Variants in DSCAM observed in about 807,000 individuals in gnomAD.
DSCAM encodes cell adhesion molecule DSCAM.
In DSCAM, 47 loss-of-function variants were observed where a neutral mutation model predicts 217.7. The ratio of observed to expected loss-of-function variants is 0.22; its 90% CI spans 0.17 to 0.28. The LOEUF (loss-of-function observed/expected upper bound fraction) is 0.28. Among genes scored for constraint, DSCAM ranks in the 10% least tolerant of loss-of-function variants. The pLI, the probability that DSCAM is intolerant of heterozygous loss-of-function variation, is 1.00. For missense variants in DSCAM, 2,080 were observed against 2,618.3 expected, an observed-to-expected ratio of 0.79 and a Z score of 4.49; for synonymous variants, 1,056 against 1,015.3, an observed-to-expected ratio of 1.04 and a Z score of -0.76.
At chr21:40,211,308 T>C (rs2146880412) in intron 11 of DSCAM, among the ~76,000 whole-genome samples, 1 of 152,342 alleles carries the variant, frequency 6.6e-6, no homozygotes, top group African/African-American at 2.4e-5. Context: ...TTGCTGTTTG[T>C]CCAGAATTTA....
At chr21:40,218,558 A>T (rs1724056846) in intron 11 of DSCAM, among the ~76,000 whole-genome samples, 1 of 152,062 alleles carries the variant, frequency 6.6e-6, no homozygotes, top group Admixed American at 6.6e-5. Context: ...TAGCTATAGC[A>T]CTGAATCTGT....
chr21:40,804,362 T>C, intron 1 of DSCAM, among the ~76,000 whole-genome samples: 1 of 152,198 alleles, frequency 6.6e-6, no homozygotes, highest in Non-Finnish European at 1.5e-5. Flanking sequence ...CATTCCAACC[T>C]TTCCCTGATG....
intron 11 of DSCAM, among the ~76,000 whole-genome samples, chr21:40,271,695 C>G (rs139093662): frequency 1.3e-5 from 2 of 152,160 alleles, no homozygotes; most frequent in African/African-American, 2.4e-5. Context: ...AAAAGCTACA[C>G]GCTTCCCTCA....
At chr21:40,246,510 C>A (rs1474578254) in intron 11 of DSCAM, among the ~76,000 whole-genome samples, 2 of 151,034 alleles carry the variant, frequency 1.3e-5, no homozygotes, top group East Asian at 1.9e-4. Flanking sequence ...CACTGCACTC[C>A]AGCCTGGGCA....
chr21:40,038,796 A>G (rs2088682585), intron 32 of DSCAM, among the ~76,000 whole-genome samples: 1 of 150,596 alleles, frequency 6.6e-6, no homozygotes, highest in Admixed American at 6.6e-5. Context: ...GACTGGATTA[A>G]GAAAATGTGG....
chr21:40,703,522 A>C (rs569157583), intron 2 of DSCAM, among the ~76,000 whole-genome samples: 1 of 152,198 alleles, frequency 6.6e-6, no homozygotes, highest in African/African-American at 2.4e-5. Flanking sequence ...CTGTCTCATA[A>C]AACACACATA....
At chr21:40,092,768 T>A (rs1276428427) in intron 21 of DSCAM, among the ~76,000 whole-genome samples, 1 of 152,178 alleles carries the variant, frequency 6.6e-6, no homozygotes, top group Non-Finnish European at 1.5e-5. Context: ...TGGCTGGATA[T>A]CATGACCAAA....
chr21:40,150,330 T>G (rs903105892), intron 16 of DSCAM, among the ~76,000 whole-genome samples: 1 of 152,162 alleles, frequency 6.6e-6, no homozygotes, highest in African/African-American at 2.4e-5. Flanking sequence ...ATTTAATAGA[T>G]CACATGAAGA....
chr21:40,352,152 T>C (rs375361348), intron 5 of DSCAM, among the ~76,000 whole-genome samples: 15 of 152,184 alleles, frequency 9.9e-5, no homozygotes, highest in African/African-American at 3.4e-4. Context: ...ACACTAGTCA[T>C]AAGTGGGTTT....
chr21:40,787,816 A>T (rs1421888932), intron 1 of DSCAM, among the ~76,000 whole-genome samples: 3 of 142,268 alleles, frequency 2.1e-5, no homozygotes, highest in Non-Finnish European at 3.0e-5. Flanking sequence ...GACCCACAAA[A>T]TACAGGGAAA....
chr21:40,807,862 G>A (rs1292350127), intron 1 of DSCAM, among the ~76,000 whole-genome samples: 1 of 152,088 alleles, frequency 6.6e-6, no homozygotes, highest in African/African-American at 2.4e-5. Flanking sequence ...ATTATAGCAT[G>A]CTATTGTGAG....
At chr21:40,381,062 C>CAAAAAAAAAAAAAAAAAAAA (rs71186932) in intron 3 of DSCAM, among the ~76,000 whole-genome samples, 27 of 66,210 alleles carry the variant, frequency 4.1e-4, no homozygotes, top group East Asian at 5.9e-4. Flanking sequence ...GACTCCGTCT[C>CAAAAAAAAAAAAAAAAAAAA]AAAAAAAAAA....
intron 11 of DSCAM, among the ~76,000 whole-genome samples, chr21:40,223,117 C>A (rs1295245468): frequency 6.6e-6 from 1 of 152,200 alleles, no homozygotes; most frequent in Admixed American, 6.5e-5. Flanking sequence ...AGGAGACCTG[C>A]CCAGCAGCCT....
chr21:40,672,152 C>A (rs1355279902), intron 3 of DSCAM, among the ~76,000 whole-genome samples: 1 of 152,114 alleles, frequency 6.6e-6, no homozygotes, highest in African/African-American at 2.4e-5. Flanking sequence ...CTCATTTAAT[C>A]TTAATTACTT....
chr21:40,723,422 T>A (rs1368055277), intron 1 of DSCAM, among the ~76,000 whole-genome samples: 2 of 152,196 alleles, frequency 1.3e-5, no homozygotes, highest in Non-Finnish European at 2.9e-5. Flanking sequence ...CTACCTTTCA[T>A]ACTAGACACC....
At chr21:40,198,465 G>A (rs1233994428) in intron 11 of DSCAM, among the ~76,000 whole-genome samples, 1 of 152,144 alleles carries the variant, frequency 6.6e-6, no homozygotes, top group East Asian at 1.9e-4. Flanking sequence ...GGCCAGGGTG[G>A]GGACGTGTAG....
At chr21:40,759,053 G>A (rs1248178695) in intron 1 of DSCAM, among the ~76,000 whole-genome samples, 1 of 152,188 alleles carries the variant, frequency 6.6e-6, no homozygotes, top group African/African-American at 2.4e-5. Flanking sequence ...TGGAAGGGGT[G>A]TGAAATGGGG....
intron 25 of DSCAM, among the ~76,000 whole-genome samples, chr21:40,079,631 T>A (rs2089423178): frequency 6.6e-6 from 1 of 152,114 alleles, no homozygotes; most frequent in Non-Finnish European, 1.5e-5. Context: ...GCATCATCCC[T>A]CCTTCCTTCT....
intron 11 of DSCAM, among the ~76,000 whole-genome samples, chr21:40,202,052 T>C (rs1745402682): frequency 6.6e-6 from 1 of 152,046 alleles, no homozygotes; most frequent in Admixed American, 6.6e-5. Context: ...CAGTTCTCTC[T>C]CTTTCTGTCT....
Sources: gnomAD v4.1 joint callset for allele counts (sites outside exome capture counted in the v4.1 genomes callset) on GRCh38, gnomAD v4.1.1 for gene constraint, MANE v1.5 for transcripts, NCBI Gene and HGNC (gene_info 2026-07-23, HGNC 2026-07-21) for gene names.